CCSER1: variants seen among roughly 807,000 people sequenced by gnomAD.
CCSER1 encodes coiled-coil serine rich protein 1, also known as serine-rich coiled-coil domain-containing protein 1.
CCSER1 carries 41 observed loss-of-function variants against 82.0 expected under a neutral mutation model. That is an observed-to-expected ratio of 0.50 (90% confidence interval 0.39 to 0.65). CCSER1 has a LOEUF of 0.65. CCSER1 is among the 30% of genes least tolerant of loss of function. The pLI, the probability that CCSER1 is intolerant of heterozygous loss-of-function variation, is 0.00. For synonymous variants in CCSER1, 414 were observed against 383.9 expected, an observed-to-expected ratio of 1.08 and a Z score of -0.92; for missense variants, 1,119 against 1,064.2, an observed-to-expected ratio of 1.05 and a Z score of -0.72.
rs569655076 is a variant in CCSER1 at position 91,462,311 on chromosome 4, A to C, written c.2218-136261A>C. ...ATATTTTGTACGTATCAGATATTGA[A>C]GCTCTCTTCTAAAACTTTATATTTT... On this transcript the variant is annotated intron_variant, in intron 10 of 10. Coordinates refer to ENST00000509176, the MANE Select transcript of CCSER1 (RefSeq NM_001145065.2). 2.4e-4 allele frequency among the ~76,000 whole-genome samples: 36 copies of C among 152,264 alleles called. No homozygotes were observed. The East Asian group carries it at 4.2e-3, about 18-fold the overall frequency.
chr4:90,286,875 T>G (rs1167215778), intron 1 of CCSER1, among the ~76,000 whole-genome samples: 1 of 152,000 alleles, frequency 6.6e-6, no homozygotes, highest in Non-Finnish European at 1.5e-5. Flanking sequence ...CTTGATTTCT[T>G]AAACTGCTAC....
chr4:90,218,500 TA>T (rs1211711641), intron 1 of CCSER1, among the ~76,000 whole-genome samples: 7 of 152,182 alleles, frequency 4.6e-5, no homozygotes, highest in Non-Finnish European at 1.0e-4. Flanking sequence ...GCTGCTAATT[TA>T]AAAAAGTTGT....
At chr4:90,651,549 G>T (rs893023648) in intron 6 of CCSER1, among the ~76,000 whole-genome samples, 7 of 152,146 alleles carry the variant, frequency 4.6e-5, no homozygotes, top group South Asian at 2.1e-4. Flanking sequence ...GGTGGTGGGG[G>T]ATAGGGGAGG....
intron 7 of CCSER1, among the ~76,000 whole-genome samples, chr4:90,752,568 TG>T (rs1189565773): frequency 1.3e-5 from 2 of 152,160 alleles, no homozygotes; most frequent in Non-Finnish European, 2.9e-5. Context: ...TTCCAAATAG[TG>T]GGGGCAGTTT....
At chr4:90,745,971 G>A (rs1032902929) in intron 7 of CCSER1, among the ~76,000 whole-genome samples, 15 of 151,812 alleles carry the variant, frequency 9.9e-5, no homozygotes, top group African/African-American at 2.7e-4. Context: ...AAGTGCTGGG[G>A]TTACAGGCGT....
chr4:90,289,497 A>G (rs1449286881), intron 1 of CCSER1, among the ~76,000 whole-genome samples: 1 of 151,960 alleles, frequency 6.6e-6, no homozygotes, highest in Non-Finnish European at 1.5e-5. Flanking sequence ...CATCTTTCAC[A>G]TGGAATATAA....
chr4:91,187,542 TTG>T, intron 10 of CCSER1, among the ~76,000 whole-genome samples: 1 of 72,438 alleles, frequency 1.4e-5, no homozygotes, highest in South Asian at 3.6e-4. Context: ...ATCAATAAAT[TTG>T]TTTTTTTTTT....
intron 10 of CCSER1, among the ~76,000 whole-genome samples, chr4:91,331,237 AT>A (rs1187903517): frequency 6.6e-6 from 1 of 152,086 alleles, no homozygotes; most frequent in Non-Finnish European, 1.5e-5. Context: ...TTTTATTGCT[AT>A]TTCTTTAATA....
At chr4:90,883,019 C>T (rs1319674816) in intron 8 of CCSER1, among the ~76,000 whole-genome samples, 1 of 151,912 alleles carries the variant, frequency 6.6e-6, no homozygotes, top group Non-Finnish European at 1.5e-5. Context: ...AATATTATCC[C>T]AGTTAGACTG....
rs536875886 is a variant in CCSER1, at chr4:90,171,209, A to G, written c.-42+43378A>G. Among the ~76,000 whole-genome samples the G allele has an allele frequency of 2.8e-3, 227 of 80,254 alleles. 2 individuals carry two copies. The highest frequency in any genetic ancestry group is 0.015 in the African/African-American group (219 of 14,958). The allele number at this position is 80,254 out of a possible 152,430, so 52.6% of individuals were successfully genotyped here. A position where few individuals can be genotyped will look rare whatever the true frequency, so the allele number is the denominator to read the frequency against. The stretch of plus-strand genomic sequence containing the variant: ...AAAATAAAATACAGGAATATATTTT[A>G]AAAATTTATTTGCATCAATTTAAAG... On this transcript the variant is annotated intron_variant, in intron 1 of 10. Transcript: ENST00000509176.
At chr4:91,390,865 C>T (rs1339598698) in intron 10 of CCSER1, among the ~76,000 whole-genome samples, 1 of 151,980 alleles carries the variant, frequency 6.6e-6, no homozygotes, top group Non-Finnish European at 1.5e-5. Context: ...AATACATGGG[C>T]CTAGAGCTGT....
chr4:91,380,110 G>A (rs1314717682), intron 10 of CCSER1, among the ~76,000 whole-genome samples: 3 of 152,160 alleles, frequency 2.0e-5, no homozygotes, highest in Non-Finnish European at 4.4e-5. Context: ...TGGTCTGAGA[G>A]ACAGTTTGTT....
intron 10 of CCSER1, among the ~76,000 whole-genome samples, chr4:91,190,033 CT>C (rs910031351): frequency 4.6e-5 from 7 of 152,178 alleles, no homozygotes; most frequent in African/African-American, 1.2e-4. Flanking sequence ...GTGGATTTCT[CT>C]TTGGCACCAC....
chr4:90,659,046 T>C (rs903081277), intron 6 of CCSER1, among the ~76,000 whole-genome samples: 1 of 150,624 alleles, frequency 6.6e-6, no homozygotes, highest in African/African-American at 2.4e-5. Context: ...TTCATCCTTG[T>C]AAATTTGATT....
intron 10 of CCSER1, among the ~76,000 whole-genome samples, chr4:91,260,170 C>A (rs1225304718): frequency 1.3e-5 from 2 of 152,062 alleles, no homozygotes; most frequent in Non-Finnish European, 2.9e-5. Context: ...ATTTTAATTA[C>A]CTTGGTGAGC....
At chr4:90,717,743 C>CATAT (rs72440111) in intron 6 of CCSER1, among the ~76,000 whole-genome samples, 1 of 145,014 alleles carries the variant, frequency 6.9e-6, no homozygotes, top group Non-Finnish European at 1.5e-5. Flanking sequence ...TATATATACA[C>CATAT]ATATATATAT....
chr4:91,365,102 G>A (rs943941754), intron 10 of CCSER1, among the ~76,000 whole-genome samples: 69 of 152,232 alleles, frequency 4.5e-4, no homozygotes, highest in African/African-American at 1.7e-3. Flanking sequence ...AGGTAATGGT[G>A]CATTTCTAAT....
intron 10 of CCSER1, among the ~76,000 whole-genome samples, chr4:91,168,101 C>A (rs559992956): frequency 7.0e-4 from 105 of 149,560 alleles, no homozygotes; most frequent in African/African-American, 2.5e-3. Context: ...TCTGCCCAGC[C>A]CCCCCGTCTG....
At chr4:91,166,056 A>G (rs534472953) in intron 10 of CCSER1, among the ~76,000 whole-genome samples, 44 of 152,354 alleles carry the variant, frequency 2.9e-4, no homozygotes, top group African/African-American at 8.2e-4. Flanking sequence ...CTATTTGGCC[A>G]TCTTGAAATG....
Sources: allele counts gnomAD v4.1 joint callset (sites outside exome capture counted in the v4.1 genomes callset), GRCh38; gene constraint gnomAD v4.1.1; transcripts MANE v1.5; gene names NCBI Gene and HGNC (gene_info 2026-07-23, HGNC 2026-07-21).